The following MON2 variants were observed in gnomAD, a reference collection of about 807,000 sequenced individuals.
MON2 encodes the protein protein MON2 homolog.
A neutral mutation model predicts 208.6 loss-of-function variants in MON2; 84 were observed. The observed-to-expected ratio is 0.40, with a 90% confidence interval of 0.34 to 0.48. MON2 has a LOEUF of 0.48. MON2 is among the 20% of genes least tolerant of loss of function. The pLI is 0.59. For synonymous variants in MON2, 660 were observed against 694.0 expected (o/e 0.95, Z 0.77); for missense variants, 1,611 against 2,015.4 (o/e 0.80, Z 3.84).
At chr12:62,481,922 G>A (rs2069465564) in intron 1 of MON2, among the ~76,000 whole-genome samples, 1 of 152,166 alleles carries the variant, frequency 6.6e-6, no homozygotes, top group South Asian at 2.1e-4. Context: ...CAAAGGGGAG[G>A]CTAAACAACT....
chr12:62,560,495 T>A lies in MON2; in HGVS notation c.3414T>A (p.Asp1138Glu). The A allele has an allele frequency of 6.3e-7, 1 of 1,592,986 alleles. No homozygotes were observed. The highest frequency in any genetic ancestry group is 1.2e-5 in the South Asian group (1 of 86,626). Residue 1138 changes from aspartate to glutamate, a missense_variant, in exon 26 of 35, where the codon GAT becomes GAA. Transcript: ENST00000393630. Reference sequence around the variant, plus strand: ...TTTTTTCTCTTCCTAATATAGGAGATTTTTCAAGAGCTTGGGATGTTCTTC... The same window carrying A: ...TTTTTTCTCTTCCTAATATAGGAGAATTTTCAAGAGCTTGGGATGTTCTTC... ...TRRYLLQPLGDFSRAWDVLLD... is the reference protein window; with the variant it reads ...TRRYLLQPLGEFSRAWDVLLD...
rs114961654 is a variant in MON2 at position 62,557,029 on chromosome 12, A to T, written c.3409+837A>T. Among the ~76,000 whole-genome samples the T allele has an allele frequency of 5.0e-3, 767 of 152,202 alleles. 9 individuals are homozygous for T. The highest frequency in any genetic ancestry group is 0.018 in the African/African-American group (727 of 41,520). Reference sequence around the variant, plus strand: ...GAGCCTGGGATGTGGAGGTTGCTGCAGTTAGCCAAGATCGTGCCACTGCAC... The same window carrying T: ...GAGCCTGGGATGTGGAGGTTGCTGCTGTTAGCCAAGATCGTGCCACTGCAC... On this transcript the variant is annotated intron_variant, in intron 25 of 34. Transcript: ENST00000393630.
intron 26 of MON2, chr12:62,564,997 T>A: frequency 2.8e-6 from 1 of 354,672 alleles, no homozygotes; most frequent in Non-Finnish European, 5.0e-6. Flanking sequence ...CTTTTTCTAT[T>A]CTTTTAAGAA....
chr12:62,592,878 C>CTACT lies in MON2; in HGVS notation c.*133_*136dup. The CTACT allele has an allele frequency of 1.1e-6, 1 of 908,820 alleles. No homozygotes were observed. Among genetic ancestry groups the CTACT allele is most frequent in the Non-Finnish European group, 1.6e-6 (1 of 622,104 alleles). The allele number at this position is 908,820 out of a possible 1,614,324, so 56.3% of individuals were successfully genotyped here. ...AGCTGTTGTTGGCCTCCTTTAAATT[C>CTACT]TACTTACCTGAGTTCAGTAATTCAT... is the stretch of plus-strand genomic sequence containing the variant. On this transcript the variant is annotated 3_prime_UTR_variant, in exon 35 of 35. Transcript: ENST00000393630.
chr12:62,526,326 T>G (rs1268041648), intron 11 of MON2, among the ~76,000 whole-genome samples: 1 of 152,204 alleles, frequency 6.6e-6, no homozygotes, highest in Non-Finnish European at 1.5e-5. Context: ...AAAATGTGAT[T>G]TCTTTACATA....
chr12:62,479,653 G>A (rs1282252615), intron 1 of MON2, among the ~76,000 whole-genome samples: 1 of 152,098 alleles, frequency 6.6e-6, no homozygotes, highest in Non-Finnish European at 1.5e-5. Flanking sequence ...CATATTAAAC[G>A]CTGCAGTGTA....
chr12:62,556,384 G>A (rs565221972), intron 25 of MON2, among the ~76,000 whole-genome samples, 192 bp downstream of exon 25: 6 of 152,212 alleles, frequency 3.9e-5, no homozygotes, highest in East Asian at 3.9e-4. Flanking sequence ...CAAAATACAC[G>A]TCATTCTTGC....
chr12:62,491,739 G>T (rs1276888044), intron 2 of MON2, among the ~76,000 whole-genome samples: 4 of 152,132 alleles, frequency 2.6e-5, no homozygotes, highest in South Asian at 4.1e-4. Context: ...AGATTATTGA[G>T]ATGCTAAAAT....
Position 62,592,868 on chromosome 12 carries a change from C to A in MON2, c.*119C>A. On this transcript the variant is annotated 3_prime_UTR_variant, in exon 35 of 35. Coordinates refer to ENST00000393630, the MANE Select transcript of MON2 (RefSeq NM_015026.3). Reference sequence around the variant, plus strand: ...AATTCTTGGCAGCTGTTGTTGGCCTCCTTTAAATTCTACTTACCTGAGTTC... The same window carrying A: ...AATTCTTGGCAGCTGTTGTTGGCCTACTTTAAATTCTACTTACCTGAGTTC... 1 of 1,028,262 alleles carries A rather than the reference C, an allele frequency of 9.7e-7. No homozygotes were observed. The highest frequency in any genetic ancestry group is 1.4e-6 in the Non-Finnish European group (1 of 725,462). 63.7% of individuals were successfully genotyped at this position (1,028,262 alleles called of 1,614,324 possible).
At chr12:62,468,712 G>T (rs2068634868) in intron 1 of MON2, among the ~76,000 whole-genome samples, 1 of 152,036 alleles carries the variant, frequency 6.6e-6, no homozygotes, top group Non-Finnish European at 1.5e-5. Flanking sequence ...ATCCTCTGTT[G>T]AAAGTTATAA....
In MON2 at chr12:62,494,061, C is replaced by G. The variant is rs2070330626; in HGVS notation, c.303+19C>G. On this transcript the variant is annotated intron_variant, in intron 3 of 34. Coordinates refer to ENST00000393630, the MANE Select transcript of MON2 (RefSeq NM_015026.3). ...GTCTGAGGTAATATGAAGATTTTAT[C>G]TAAACTTCACCTAAGAGTTGAATCA... is the stretch of plus-strand genomic sequence containing the variant. The G allele has an allele frequency of 1.2e-6, 2 of 1,600,064 alleles. No homozygotes were observed. Among genetic ancestry groups the G allele is most frequent in the Non-Finnish European group, 1.7e-6 (2 of 1,170,166 alleles).
chr12:62,495,724 C>T (rs2070441546), intron 4 of MON2, among the ~76,000 whole-genome samples: 1 of 148,134 alleles, frequency 6.8e-6, no homozygotes, highest in Non-Finnish European at 1.5e-5. Flanking sequence ...AAGATACTGC[C>T]TTGAGTATTT....
chr12:62,578,451 T>C lies in MON2; in HGVS notation c.4521T>C (p.Pro1507=). The change falls in exon 31 of 35, where the codon CCT becomes CCC. Residue 1507 remains proline (P), a synonymous_variant. Coordinates refer to ENST00000393630, the MANE Select transcript of MON2 (RefSeq NM_015026.3). ...AAGTGTTTTTTTTTTTTAGCATACC[T>C]CCAGATAATCTCTCTATTCAAGAGT... ...FEDFLFTKSI[P]PDNLSIQEFQ... 2 of 1,413,230 alleles carry C rather than the reference T, an allele frequency of 1.4e-6. No homozygotes were observed. Among genetic ancestry groups the C allele is most frequent in the Admixed American group, 2.1e-5 (1 of 48,284 alleles). 87.5% of individuals were successfully genotyped at this position (1,413,230 alleles called of 1,614,324 possible).
chr12:62,565,049 C>T (rs2074328391), intron 26 of MON2, 188 bp from the exon 27 acceptor site: 1 of 499,608 alleles, frequency 2.0e-6, no homozygotes, highest in African/African-American at 2.0e-5. Flanking sequence ...AGCTGATTAA[C>T]AGTTTCAGCC....
At chr12:62,503,740 C>T (rs1008724601) in intron 7 of MON2, among the ~76,000 whole-genome samples, 1 of 152,174 alleles carries the variant, frequency 6.6e-6, no homozygotes, top group Non-Finnish European at 1.5e-5. Flanking sequence ...CAAGCAGACT[C>T]GTGCCCCAGG....
intron 33 of MON2, chr12:62,585,717 A>T (rs1374205410): frequency 2.5e-6 from 1 of 399,742 alleles, no homozygotes; most frequent in Non-Finnish European, 4.5e-6. Flanking sequence ...TCCCTCATGG[A>T]GATTATGTAA....
At chr12:62,568,130 T>C (rs2074452860) in intron 29 of MON2, among the ~76,000 whole-genome samples, 2 of 152,100 alleles carry the variant, frequency 1.3e-5, no homozygotes, top group Non-Finnish European at 2.9e-5. Context: ...AGTTAAGAGT[T>C]AGGTTAAAAA....
intron 8 of MON2, among the ~76,000 whole-genome samples, chr12:62,521,607 A>G (rs1317452471): frequency 3.3e-5 from 5 of 152,166 alleles, no homozygotes; most frequent in East Asian, 1.9e-4. Context: ...ATCTCACTCT[A>G]TCAGGTAGTT....
At chr12:62,513,547 A>G (rs1028281899) in intron 8 of MON2, among the ~76,000 whole-genome samples, 3 of 151,882 alleles carry the variant, frequency 2.0e-5, no homozygotes, top group Non-Finnish European at 2.9e-5. Context: ...TTTCTATTGC[A>G]TTGTCAGGCT....
Sources: allele counts gnomAD v4.1 joint callset (sites outside exome capture counted in the v4.1 genomes callset), GRCh38; gene constraint gnomAD v4.1.1; transcripts MANE v1.5; gene names NCBI Gene and HGNC (gene_info 2026-07-23, HGNC 2026-07-21).